NBPF3: variants seen among roughly 807,000 people sequenced by gnomAD.
The protein encoded by NBPF3 is NBPF family member NBPF3.
NBPF3 carries 57 observed loss-of-function variants against 78.1 expected under a neutral mutation model. That is an observed-to-expected ratio of 0.73 (90% CI 0.59 to 0.91). The LOEUF (loss-of-function observed/expected upper bound fraction) is 0.91. Ranked by LOEUF, NBPF3 falls within the 40% of genes least tolerant of loss-of-function variation. The pLI is 0.00. For synonymous variants in NBPF3, 182 were observed against 271.7 expected (o/e 0.67, Z 3.25); for missense variants, 510 against 715.3 (o/e 0.71, Z 3.27).
intron 2 of NBPF3, among the ~76,000 whole-genome samples, chr1:21,454,658 T>C (rs1053704763): frequency 1.1e-4 from 17 of 152,136 alleles, no homozygotes; most frequent in African/African-American, 4.1e-4. Flanking sequence ...CCATAGCTAA[T>C]TAGATGAGGA....
At chr1:21,457,897 A>G (rs149519534) in intron 2 of NBPF3, among the ~76,000 whole-genome samples, 1,831 of 152,332 alleles carry the variant, frequency 0.012, 55 homozygotes, top group African/African-American at 0.042. Flanking sequence ...TACTTCTGCA[A>G]CTGATTACAG....
At chr1:21,453,704 A>G (rs1399987953) in intron 2 of NBPF3, 1 of 152,212 alleles carries the variant, frequency 6.6e-6, no homozygotes, top group African/African-American at 2.4e-5. Flanking sequence ...CTACTAAGAA[A>G]TCAACTTAGT....
chr1:21,446,389 G>C (rs1338706166), intron 2 of NBPF3: 1 of 152,062 alleles, frequency 6.6e-6, no homozygotes, highest in Non-Finnish European at 1.5e-5. Flanking sequence ...CCTGTTAATG[G>C]AAAATATTGG....
chr1:21,474,756 T>C, intron 7 of NBPF3, 144 bp from the exon 8 acceptor site: 2 of 764,920 alleles, frequency 2.6e-6, no homozygotes, highest in East Asian at 3.1e-5. Context: ...AGAGTTAATC[T>C]AGGGCACCCT....
chr1:21,449,450 C>T (rs10799692), intron 2 of NBPF3, among the ~76,000 whole-genome samples: 79,498 of 147,536 alleles, frequency 0.54, 21,756 homozygotes, highest in East Asian at 0.67. Context: ...AGTTAAGTAA[C>T]GAACCATCTT....
intron 8 of NBPF3, among the ~76,000 whole-genome samples, chr1:21,475,939 TA>T (rs143746620): frequency 0.22 from 32,280 of 143,758 alleles, 3,641 homozygotes; most frequent in South Asian, 0.41. Context: ...GGACTTGCTT[TA>T]TGAATCTGGG....
At chr1:21,457,491 T>C (rs1299060428) in intron 2 of NBPF3, among the ~76,000 whole-genome samples, 6 of 152,002 alleles carry the variant, frequency 3.9e-5, no homozygotes, top group Non-Finnish European at 1.5e-5. Context: ...AATAGATACT[T>C]CAGTAAAGAA....
intron 2 of NBPF3, among the ~76,000 whole-genome samples, chr1:21,461,608 C>A (rs562518936): frequency 6.6e-6 from 1 of 152,260 alleles, no homozygotes; most frequent in East Asian, 1.9e-4. Flanking sequence ...ATTACAGGCA[C>A]CTGCCACCAT....
chr1:21,438,927 G>C (rs568741938), upstream of NBPF3, among the ~76,000 whole-genome samples: 2 of 152,362 alleles, frequency 1.3e-5, no homozygotes, highest in African/African-American at 4.8e-5. Flanking sequence ...GGCAAACACA[G>C]GCCCTTCAGA....
intron 2 of NBPF3, among the ~76,000 whole-genome samples, chr1:21,451,015 C>T (rs182522709): frequency 2.6e-5 from 4 of 152,338 alleles, no homozygotes; most frequent in East Asian, 1.9e-4. Context: ...GGGACCGGCC[C>T]GCCGTCCTAT....
intron 1 of NBPF3, chr1:21,442,111 G>A (rs1325221888): frequency 6.6e-6 from 1 of 151,992 alleles, no homozygotes; most frequent in Non-Finnish European, 1.5e-5. Flanking sequence ...ACTTTATTCT[G>A]GATATGCCTC....
At chr1:21,458,643 T>C (rs1253249492) in intron 2 of NBPF3, among the ~76,000 whole-genome samples, 1 of 152,198 alleles carries the variant, frequency 6.6e-6, no homozygotes, top group Non-Finnish European at 1.5e-5. Context: ...TAAAATTATG[T>C]TGATGCATGA....
At chr1:21,456,891 GT>G (rs1407356138) in intron 2 of NBPF3, among the ~76,000 whole-genome samples, 1 of 152,142 alleles carries the variant, frequency 6.6e-6, no homozygotes, top group African/African-American at 2.4e-5. Context: ...AAAAATAAAA[GT>G]ATTGAAAAGA....
chr1:21,471,643 A>T lies in NBPF3; in HGVS notation c.521A>T (p.Asp174Val). The part of the protein sequence containing the change: ...QLREKLQEGR[D>V]ASRSLNQHLQ... Reference sequence around the variant, plus strand: ...AGGGAGAAGTTACAGGAAGGGAGAGATGCCTCCCGCTCATTGAATCAGCAT... The same window carrying T: ...AGGGAGAAGTTACAGGAAGGGAGAGTTGCCTCCCGCTCATTGAATCAGCAT... Residue 174 changes from aspartate to valine, a missense_variant, in exon 5 of 15, where the codon GAT becomes GTT. By Grantham distance (152) the Asp-to-Val change is radical. Around this residue, in one of 5 missense-constraint regions of NBPF3, gnomAD observed 440 missense variants for 478.2 expected, o/e 0.92. Coordinates refer to ENST00000318249, the MANE Select transcript of NBPF3 (RefSeq NM_032264.6). 4.3e-6 allele frequency: 7 copies of T among 1,612,706 alleles called. No homozygotes were observed. Among genetic ancestry groups the T allele is most frequent in the Non-Finnish European group, 5.9e-6 (7 of 1,179,784 alleles).
upstream of NBPF3, among the ~76,000 whole-genome samples, chr1:21,439,430 A>G (rs1640505551): frequency 6.6e-6 from 1 of 152,048 alleles, no homozygotes; most frequent in South Asian, 2.1e-4. Flanking sequence ...TGGAGGTTGC[A>G]GGAAGCCAAG....
At chr1:21,438,956 G>T (rs1437923219), upstream of NBPF3, among the ~76,000 whole-genome samples, 2 of 152,230 alleles carry the variant, frequency 1.3e-5, no homozygotes, top group African/African-American at 4.8e-5. Flanking sequence ...TGGCAGCACT[G>T]GGGGAGGTGC....
intron 10 of NBPF3, among the ~76,000 whole-genome samples, chr1:21,479,814 C>CTGTGTGTG (rs370782082): frequency 1.3e-3 from 66 of 49,744 alleles, no homozygotes; most frequent in African/African-American, 2.9e-3. Flanking sequence ...CTCTCTCTCT[C>CTGTGTGTG]TCTCTCTGTG....
At chr1:21,437,372 G>A, upstream of NBPF3, 1 of 670,874 alleles carries the variant, frequency 1.5e-6, no homozygotes, top group Non-Finnish European at 2.3e-6. Context: ...GGCTCAGAGG[G>A]TGGTGAGAGC....
intron 2 of NBPF3, among the ~76,000 whole-genome samples, chr1:21,450,194 A>G (rs1641229186): frequency 6.6e-6 from 1 of 152,128 alleles, no homozygotes; most frequent in Non-Finnish European, 1.5e-5. Flanking sequence ...TTCCAAGTTC[A>G]CTACAGATAT....
Sources: gnomAD v4.1 joint callset for allele counts (sites outside exome capture counted in the v4.1 genomes callset) on GRCh38, gnomAD v4.1.1 for gene constraint, gnomAD v4.1.1 regional missense constraint, MANE v1.5 for transcripts, NCBI Gene and HGNC (gene_info 2026-07-23, HGNC 2026-07-21) for gene names.